Variants in SLC5A8 observed in about 807,000 individuals in gnomAD.
SLC5A8 encodes sodium-coupled monocarboxylate transporter 1.
A neutral mutation model predicts 71.9 loss-of-function variants in SLC5A8; 55 were observed. The observed-to-expected ratio is 0.77, with a 90% CI of 0.62 to 0.96. The LOEUF is 0.96. Ranked by LOEUF, SLC5A8 falls within the 40% of genes least tolerant of loss-of-function variation. SLC5A8 has a pLI of 0.00. For synonymous variants in SLC5A8, 307 were observed against 276.1 expected, an observed-to-expected ratio of 1.11 and a Z score of -1.11; for missense variants, 701 against 745.3, an observed-to-expected ratio of 0.94 and a Z score of 0.69.
chr12:101,196,246 G>A (rs577932788), intron 3 of SLC5A8, among the ~76,000 whole-genome samples: 7 of 152,286 alleles, frequency 4.6e-5, no homozygotes, highest in African/African-American at 1.7e-4. Context: ...AGTCCTTGAA[G>A]AAGGCGTTAC....
chr12:101,176,447 A>C (rs1003698899), intron 10 of SLC5A8, among the ~76,000 whole-genome samples: 1 of 152,080 alleles, frequency 6.6e-6, no homozygotes, highest in African/African-American at 2.4e-5. Flanking sequence ...AATGTAATTG[A>C]TATTTATGGA....
At chr12:101,186,320 T>C (rs1003020550) in intron 7 of SLC5A8, among the ~76,000 whole-genome samples, 1 of 152,042 alleles carries the variant, frequency 6.6e-6, no homozygotes, top group Non-Finnish European at 1.5e-5. Flanking sequence ...TAAGTTAAGA[T>C]AGGGTTGAGA....
chr12:101,194,321 C>G (rs569657440), intron 4 of SLC5A8, among the ~76,000 whole-genome samples: 86 of 152,274 alleles, frequency 5.6e-4, no homozygotes, highest in Non-Finnish European at 7.5e-4. Context: ...CAAGATCCAG[C>G]ACCTAAAGGG....
intron 10 of SLC5A8, among the ~76,000 whole-genome samples, chr12:101,175,610 A>C (rs2051872919): frequency 6.6e-6 from 1 of 151,010 alleles, no homozygotes; most frequent in South Asian, 2.1e-4. Context: ...AAGAAAAAAC[A>C]AAACAAAACA....
intron 13 of SLC5A8, 44 bp from the exon 14 acceptor site, chr12:101,158,372 C>G (rs1218216778): frequency 8.2e-7 from 1 of 1,225,232 alleles, no homozygotes; most frequent in African/African-American, 1.6e-5. Context: ...AAAAAGGACA[C>G]CAGTAACTAC....
intron 11 of SLC5A8, 62 bp downstream of exon 11, chr12:101,168,034 G>A: frequency 6.9e-7 from 1 of 1,444,702 alleles, no homozygotes; most frequent in Non-Finnish European, 9.5e-7. Context: ...TGAGAAAAAA[G>A]TGTAGAGCTG....
At chr12:101,190,668 CTT>C in intron 5 of SLC5A8, 60 bp from the exon 6 acceptor site, 6 of 1,495,162 alleles carry the variant, frequency 4.0e-6, no homozygotes, top group Non-Finnish European at 5.3e-6. Context: ...AAAAAATTCT[CTT>C]AGACTATATT....
At chr12:101,158,033 C>A (rs1299195291) in intron 14 of SLC5A8, among the ~76,000 whole-genome samples, 1 of 152,032 alleles carries the variant, frequency 6.6e-6, no homozygotes, top group Admixed American at 6.6e-5. Flanking sequence ...CACAGATAAG[C>A]AATAGGTATA....
intron 9 of SLC5A8, among the ~76,000 whole-genome samples, chr12:101,181,509 A>G (rs1274507476): frequency 6.6e-6 from 1 of 152,224 alleles, no homozygotes; most frequent in Admixed American, 6.5e-5. Flanking sequence ...TTCCATGAGC[A>G]CCAGCCAGTG....
At chr12:101,207,959 A>G (rs563070660) in intron 1 of SLC5A8, among the ~76,000 whole-genome samples, 1 of 152,190 alleles carries the variant, frequency 6.6e-6, no homozygotes, top group East Asian at 1.9e-4. Flanking sequence ...TAGAAGTTTA[A>G]TAGAGAGTGA....
chr12:101,193,561 A>G, intron 5 of SLC5A8, 64 bp downstream of exon 5: 2 of 1,513,306 alleles, frequency 1.3e-6, no homozygotes, highest in South Asian at 2.6e-5. Flanking sequence ...TACTATTTCA[A>G]TAAAGAGATT....
chr12:101,176,758 T>C (rs745527429), intron 10 of SLC5A8, among the ~76,000 whole-genome samples: 4 of 151,398 alleles, frequency 2.6e-5, no homozygotes, highest in Non-Finnish European at 5.9e-5. Context: ...ACATACAAGA[T>C]GTCAAAAGTT....
chr12:101,158,356 G>C (rs373545914), intron 13 of SLC5A8, 28 bp from the exon 14 acceptor site: 1 of 1,478,410 alleles, frequency 6.8e-7, no homozygotes, highest in Admixed American at 1.8e-5. Flanking sequence ...CATGACTTAC[G>C]TTGTTAAAAA....
intron 6 of SLC5A8, among the ~76,000 whole-genome samples, chr12:101,188,072 A>C (rs1015745837): frequency 6.6e-6 from 1 of 152,172 alleles, no homozygotes; most frequent in Non-Finnish European, 1.5e-5. Context: ...GTAGAGAATA[A>C]AGGTTTACAC....
At chr12:101,159,223 T>C (rs570058222) in intron 13 of SLC5A8, among the ~76,000 whole-genome samples, 1 of 151,922 alleles carries the variant, frequency 6.6e-6, no homozygotes, top group Admixed American at 6.5e-5. Flanking sequence ...TTAGTACAAA[T>C]ACTAGACTTT....
At chr12:101,162,615 C>A (rs1360540539) in intron 12 of SLC5A8, among the ~76,000 whole-genome samples, 1 of 152,124 alleles carries the variant, frequency 6.6e-6, no homozygotes, top group Non-Finnish European at 1.5e-5. Flanking sequence ...CAGCTGGAGG[C>A]CATTATCCAA....
chr12:101,173,503 T>A (rs1216674610), intron 10 of SLC5A8, among the ~76,000 whole-genome samples: 3 of 152,102 alleles, frequency 2.0e-5, no homozygotes, highest in Non-Finnish European at 4.4e-5. Context: ...GGGCTCTGGA[T>A]CGACCAGGCA....
intron 13 of SLC5A8, among the ~76,000 whole-genome samples, chr12:101,160,333 AATG>A (rs1749325789): frequency 6.6e-6 from 1 of 152,234 alleles, no homozygotes. Context: ...ACTGAGAAAT[AATG>A]AATAGCAACA....
At chr12:101,192,778 C>T (rs1286853672) in intron 5 of SLC5A8, among the ~76,000 whole-genome samples, 1 of 152,078 alleles carries the variant, frequency 6.6e-6, no homozygotes, top group Non-Finnish European at 1.5e-5. Context: ...AATACATAAT[C>T]ATAAGCTACT....
Sources: allele counts gnomAD v4.1 joint callset (sites outside exome capture counted in the v4.1 genomes callset), GRCh38; gene constraint gnomAD v4.1.1; transcripts MANE v1.5; gene names NCBI Gene and HGNC (gene_info 2026-07-23, HGNC 2026-07-21).